CAGE1: variants seen among roughly 807,000 people sequenced by gnomAD.
CAGE1 encodes the protein cancer antigen 1, also known as cancer-associated gene 1 protein.
CAGE1 carries 66 observed loss-of-function variants against 94.9 expected under a neutral mutation model. That is an observed-to-expected ratio of 0.70 (90% CI 0.57 to 0.85). CAGE1 has a LOEUF of 0.85. CAGE1 is among the 40% of genes least tolerant of loss of function. The probability of loss-of-function intolerance (pLI) is 0.00; values close to 1 mark genes in which losing one functional copy is unlikely to be tolerated. For synonymous variants in CAGE1, 319 were observed against 321.0 expected (o/e 0.99, Z 0.07); for missense variants, 865 against 950.4 (o/e 0.91, Z 1.18).
At chr6:7,337,172 A>C (rs1436000364) in intron 11 of CAGE1, among the ~76,000 whole-genome samples, 1 of 151,800 alleles carries the variant, frequency 6.6e-6, no homozygotes, top group Non-Finnish European at 1.5e-5. Context: ...AATACAACCA[A>C]AAAAATTAGC....
chr6:7,329,552 C>G (rs1249429114), intron 13 of CAGE1, among the ~76,000 whole-genome samples: 1 of 152,156 alleles, frequency 6.6e-6, no homozygotes, highest in Non-Finnish European at 1.5e-5. Flanking sequence ...GGGACCAAAA[C>G]TGGAGGCAGA....
chr6:7,328,928 A>T (rs1236655846), intron 13 of CAGE1, among the ~76,000 whole-genome samples: 6,370 of 88,738 alleles, frequency 0.072, 633 homozygotes, highest in East Asian at 0.32. Context: ...GTATATATAT[A>T]TATATATTTT....
Position 7,389,707 on chromosome 6 carries a change from C to G in CAGE1, c.-529G>C, listed in dbSNP as rs558593362. 5.9e-6 allele frequency: 3 copies of G among 511,262 alleles called. No individual in the cohort carries two copies. The highest frequency in any genetic ancestry group is 3.8e-5 in the African/African-American group (2 of 52,400). The allele number at this position is 511,262 out of a possible 1,614,324, so 31.7% of individuals were successfully genotyped here. On this transcript the variant is annotated 5_prime_UTR_variant, in exon 1 of 14. Coordinates refer to ENST00000502583, the MANE Select transcript of CAGE1 (RefSeq NM_001170692.2). ...ACGCCTTCCTGAGAGCACAGAACAT[C>G]CACAGCCCTATACAGCGCGCCATCC...
intron 11 of CAGE1, among the ~76,000 whole-genome samples, chr6:7,337,709 A>G (rs959125685): frequency 8.5e-5 from 13 of 152,180 alleles, no homozygotes; most frequent in African/African-American, 2.9e-4. Context: ...GGTCTGTTCC[A>G]TTGATTTTTA....
At chr6:7,330,310 C>T (rs1758702269) in intron 12 of CAGE1, among the ~76,000 whole-genome samples, 1 of 152,178 alleles carries the variant, frequency 6.6e-6, no homozygotes, top group African/African-American at 2.4e-5. Context: ...TTGCTTGAGC[C>T]TGGGAGGTGG....
chr6:7,347,504 G>T (rs1289356106), intron 11 of CAGE1: 4 of 42,922 alleles, frequency 9.3e-5, no homozygotes, highest in African/African-American at 2.8e-4. Flanking sequence ...AAGCGAGGGT[G>T]GGGGGGGGGG....
In CAGE1 at chr6:7,365,925, C is replaced by T. The variant is rs1760315991; in HGVS notation, c.2005-41G>A. ...CATTCTGTATTTTAGAGAGAAAATA[C>T]AACTACGCTCTAATATTTATAATAA... On this transcript the variant is annotated intron_variant, in intron 7 of 13. Coordinates refer to ENST00000502583, the MANE Select transcript of CAGE1 (RefSeq NM_001170692.2). 3 of 1,117,858 alleles carry T rather than the reference C, an allele frequency of 2.7e-6. No individual in the cohort carries two copies. In the African/African-American group the frequency reaches 4.8e-5, roughly 18 times the overall value. 69.2% of individuals were successfully genotyped at this position (1,117,858 alleles called of 1,614,324 possible). A position where few individuals can be genotyped will look rare whatever the true frequency, so the allele number is the denominator to read the frequency against.
chr6:7,350,109 T>C (rs560404356), intron 11 of CAGE1, among the ~76,000 whole-genome samples: 1 of 152,278 alleles, frequency 6.6e-6, no homozygotes, highest in South Asian at 2.1e-4. Flanking sequence ...GGGGTAGCTA[T>C]TCTTATATCA....
chr6:7,371,981 C>G (rs1561863465), intron 5 of CAGE1, among the ~76,000 whole-genome samples: 1 of 147,930 alleles, frequency 6.8e-6, no homozygotes, highest in African/African-American at 2.6e-5. Context: ...TTCTTCGCTG[C>G]CAAAAAAGCC....
At chr6:7,334,169 T>C in intron 11 of CAGE1, 79 bp from the exon 12 acceptor site, 1 of 812,258 alleles carries the variant, frequency 1.2e-6, no homozygotes, top group Non-Finnish European at 1.9e-6. Context: ...ACTGGAGGAT[T>C]TTAGTAGGTA....
At chr6:7,349,673 C>G (rs1759693055) in intron 11 of CAGE1, among the ~76,000 whole-genome samples, 1 of 152,132 alleles carries the variant, frequency 6.6e-6, no homozygotes, top group Admixed American at 6.5e-5. Context: ...TGGCTCATGC[C>G]TGTAATCCCA....
At position 7,339,488 on chromosome 6, in the gene CAGE1, C is replaced by A. The variant is rs1759087618; in HGVS notation, c.2370-5398G>T. The A allele has an allele frequency of 3.4e-6, 3 of 874,516 alleles. No individual in the cohort carries two copies. The highest frequency in any genetic ancestry group is 5.9e-6 in the Non-Finnish European group (3 of 505,320). 54.2% of individuals were successfully genotyped at this position (874,516 alleles called of 1,614,324 possible). On this transcript the variant is annotated intron_variant, in intron 11 of 13. Transcript: ENST00000502583. This position sits in a 1 kb window ranked among gnomAD's most constrained non-coding sequence, Gnocchi z 4.7. ...CAGAGTAGCCATCTTCAGCCAGCTC[C>A]TGAGTAAGAAACTCATTCATTTCAG... is the stretch of plus-strand genomic sequence containing the variant.
Position 7,326,955 on chromosome 6 carries a change from G to A in CAGE1, c.2479-56C>T, listed in dbSNP as rs1047761734. On this transcript the variant is annotated intron_variant, in intron 13 of 13. Transcript: ENST00000502583. The stretch of plus-strand genomic sequence containing the variant: ...TTTTGGGGAAAGACTAACATTCAGT[G>A]ACAGAACCCCTAAACAGCCAATTTT... The A allele has an allele frequency of 2.9e-6, 4 of 1,398,396 alleles. No homozygotes were observed. The African/African-American group carries it at 4.3e-5, about 15-fold the overall frequency. 86.6% of individuals were successfully genotyped at this position (1,398,396 alleles called of 1,614,324 possible). A position where few individuals can be genotyped will look rare whatever the true frequency, so the allele number is the denominator to read the frequency against.
chr6:7,356,314 TAAAC>T (rs1402922578), intron 9 of CAGE1, among the ~76,000 whole-genome samples, 185 bp from the exon 10 acceptor site: 1 of 152,180 alleles, frequency 6.6e-6, no homozygotes, highest in Non-Finnish European at 1.5e-5. Flanking sequence ...TTAGAACAGA[TAAAC>T]AAAAATTATA....
chr6:7,352,497 C>T (rs1759819765), intron 11 of CAGE1, among the ~76,000 whole-genome samples: 1 of 151,920 alleles, frequency 6.6e-6, no homozygotes, highest in Non-Finnish European at 1.5e-5. Flanking sequence ...GCAATACAAT[C>T]CCCATCAAAA....
rs1761269246 is a variant in CAGE1, at chr6:7,389,670, C to G, written c.-492G>C. ...ACGGCCAGCACGGGCCTCGCCGTGC[C>G]GGCTACTCAACACGCCTTCCTGAGA... On this transcript the variant is annotated 5_prime_UTR_variant, in exon 1 of 14. Transcript: ENST00000502583. 1 of 426,896 alleles carries G rather than the reference C, an allele frequency of 2.3e-6. No homozygotes were observed. The highest frequency in any genetic ancestry group is 2.6e-5 in the South Asian group (1 of 38,366). The allele number at this position is 426,896 out of a possible 1,614,324, so 26.4% of individuals were successfully genotyped here.
At chr6:7,330,831 T>C (rs1013725213) in intron 12 of CAGE1, among the ~76,000 whole-genome samples, 1 of 152,180 alleles carries the variant, frequency 6.6e-6, no homozygotes, top group East Asian at 1.9e-4. Context: ...TCTAAATCTA[T>C]ATAAATGGGC....
At chr6:7,386,720 G>T (rs1272708256) in intron 2 of CAGE1, among the ~76,000 whole-genome samples, 1 of 152,142 alleles carries the variant, frequency 6.6e-6, no homozygotes. Flanking sequence ...CAGAGTAGCT[G>T]GGATTACAGG....
rs1758683170 is a variant in CAGE1, at chr6:7,329,850, A to G, written c.2477T>C (p.Met826Thr). The G allele has an allele frequency of 1.4e-6, 2 of 1,431,606 alleles. No individual in the cohort carries two copies. The allele number at this position is 1,431,606 out of a possible 1,614,324, so 88.7% of individuals were successfully genotyped here. A position where few individuals can be genotyped will look rare whatever the true frequency, so the allele number is the denominator to read the frequency against. The part of the protein sequence containing the change: ...SLENHPKSMT[M>T]MPALFKENRN... ...ATCATGATCATCAAGGTGACCTACCATGGTCATGGACTTCGGATGATTTTC... is the reference window on the plus strand; with the variant it reads ...ATCATGATCATCAAGGTGACCTACCGTGGTCATGGACTTCGGATGATTTTC... The change falls in exon 13 of 14, where the codon ATG (methionine) becomes ACG (threonine). Residue 826 changes from methionine (M) to threonine (T), a missense_variant and splice_region_variant. By Grantham distance (81) the Met-to-Thr change is moderately conservative (BLOSUM62 -1). Coordinates refer to ENST00000502583, the MANE Select transcript of CAGE1 (RefSeq NM_001170692.2).
Sources: allele counts gnomAD v4.1 joint callset (sites outside exome capture counted in the v4.1 genomes callset), GRCh38; gene constraint gnomAD v4.1.1; non-coding constraint Gnocchi (gnomAD v3.1); transcripts MANE v1.5; gene names NCBI Gene and HGNC (gene_info 2026-07-23, HGNC 2026-07-21).